Variants in CRYBG2 observed in about 807,000 individuals in gnomAD.
The protein encoded by CRYBG2 is beta/gamma crystallin domain-containing protein 2.
Under a neutral mutation model 153.4 loss-of-function variants are expected in CRYBG2, and 106 were observed. The ratio of observed to expected loss-of-function variants is 0.69; its 90% CI spans 0.59 to 0.81. CRYBG2 has a LOEUF of 0.81. Among genes scored for constraint, CRYBG2 ranks in the 30% least tolerant of loss-of-function variants. The probability of loss-of-function intolerance (pLI) is 0.00; values close to 1 mark genes in which losing one functional copy is unlikely to be tolerated. For missense variants in CRYBG2, 1,996 were observed against 2,112.0 expected, an observed-to-expected ratio of 0.95 and a Z score of 1.08; for synonymous variants, 851 against 877.8, an observed-to-expected ratio of 0.97 and a Z score of 0.54.
rs561642502 is a variant in CRYBG2 at position 26,343,569 on chromosome 1, G to A, written c.2913+176C>T. Reference sequence around the variant, plus strand: ...GTACAAACCTCCCACAGTAGGGATAGGGATAGGGAGATTGAGGCCCAGAGA... The same window carrying A: ...GTACAAACCTCCCACAGTAGGGATAAGGATAGGGAGATTGAGGCCCAGAGA... On this transcript the variant is annotated intron_variant, in intron 2 of 19. Coordinates refer to ENST00000308182, the MANE Select transcript of CRYBG2 (RefSeq NM_001039775.4). This position sits in a 1 kb window ranked among gnomAD's most constrained non-coding sequence, Gnocchi z 4.1. 2.4e-4 allele frequency among the ~76,000 whole-genome samples: 36 copies of A among 152,288 alleles called. No individual in the cohort carries two copies. Among genetic ancestry groups the A allele is most frequent in the African/African-American group, 8.2e-4 (34 of 41,560 alleles).
chr1:26,342,634 G>T, intron 5 of CRYBG2, 120 bp downstream of exon 5: 1 of 1,451,680 alleles, frequency 6.9e-7, no homozygotes, highest in Non-Finnish European at 9.3e-7. Context: ...CCTGTCCTCA[G>T]CCGATCCACC....
chr1:26,336,303 G>A lies in CRYBG2; in HGVS notation c.4071+35C>T. 3 of 1,612,400 alleles carry A rather than the reference G, an allele frequency of 1.9e-6. No individual in the cohort carries two copies. Among genetic ancestry groups the A allele is most frequent in the South Asian group, 1.1e-5 (1 of 90,698 alleles). ...AGGTCCGAAATGAGGGGAGAGACGTGAGCCCAGCGGCTCCCTGCGGAGTCC... is the reference window on the plus strand; with the variant it reads ...AGGTCCGAAATGAGGGGAGAGACGTAAGCCCAGCGGCTCCCTGCGGAGTCC... On this transcript the variant is annotated intron_variant, in intron 13 of 19. Transcript: ENST00000308182. This position sits in a 1 kb window ranked among gnomAD's most constrained non-coding sequence, Gnocchi z 4.9.
At chr1:26,324,110 C>T (rs746239692) in intron 18 of CRYBG2, 42 bp downstream of exon 18, 15 of 1,592,170 alleles carry the variant, frequency 9.4e-6, no homozygotes, top group African/African-American at 1.3e-5. Flanking sequence ...CCTGCAAATG[C>T]CTAGGGCCAG....
rs2074082045 is a variant in CRYBG2 at position 26,337,921 on chromosome 1, CCT to C, written c.3507+89_3507+90del. The C allele has an allele frequency of 2.6e-6, 4 of 1,510,196 alleles. No homozygotes were observed. In the South Asian group the frequency reaches 4.9e-5, roughly 18 times the overall value. The allele number at this position is 1,510,196 out of a possible 1,614,324, so 93.5% of individuals were successfully genotyped here. On this transcript the variant is annotated intron_variant, in intron 8 of 19. Transcript: ENST00000308182. Reference sequence around the variant, plus strand: ...CCGTGCTTCTGGCCCCCAGTGCCCTCCTCTCTGGATTTCCTGTCCAGACCACG... The same window carrying C: ...CCGTGCTTCTGGCCCCCAGTGCCCTCCTCTGGATTTCCTGTCCAGACCACG...
Position 26,337,030 on chromosome 1 carries a change from C to G in CRYBG2, c.3772-50G>C, listed in dbSNP as rs561917384. 3.7e-6 allele frequency: 6 copies of G among 1,605,574 alleles called. No individual in the cohort carries two copies. In the South Asian group the frequency reaches 5.6e-5, roughly 15 times the overall value. On this transcript the variant is annotated intron_variant, in intron 10 of 19. Coordinates refer to ENST00000308182, the MANE Select transcript of CRYBG2 (RefSeq NM_001039775.4). ...CTCTCCCGCCCACAAACCGAAACCC[C>G]TGGGAGTGCCCAGACCCCAGGGTCA...
chr1:26,328,175 C>A (rs2073954446), intron 17 of CRYBG2, 34 bp downstream of exon 17: 13 of 1,553,386 alleles, frequency 8.4e-6, no homozygotes, highest in Non-Finnish European at 1.1e-5. Context: ...CACGCTCAGC[C>A]CCAGACACGC....
At chr1:26,338,843 T>C (rs1305850690) in intron 6 of CRYBG2, among the ~76,000 whole-genome samples, 2 of 152,194 alleles carry the variant, frequency 1.3e-5, no homozygotes, top group Non-Finnish European at 1.5e-5. Context: ...CACTGAAAAT[T>C]TGAAGCTTAG....
At chr1:26,323,084 C>A (rs2073878850) in intron 18 of CRYBG2, among the ~76,000 whole-genome samples, 1 of 79,538 alleles carries the variant, frequency 1.3e-5, no homozygotes, top group African/African-American at 3.7e-5. Context: ...TTTCTATTCT[C>A]CTTTTTTTTT....
chr1:26,337,051 G>A lies in CRYBG2; in HGVS notation c.3772-71C>T. On this transcript the variant is annotated intron_variant, in intron 10 of 19. Transcript: ENST00000308182. The stretch of plus-strand genomic sequence containing the variant: ...ACCCCTGGGAGTGCCCAGACCCCAG[G>A]GTCACAGCCCACCCGGGGAATTAGG... The A allele has an allele frequency of 2.5e-6, 4 of 1,588,740 alleles. No individual in the cohort carries two copies. The South Asian group carries it at 3.4e-5, about 14-fold the overall frequency.
At position 26,345,719 on chromosome 1, in the gene CRYBG2, C is replaced by T. The variant is rs768401443; in HGVS notation, c.939G>A (p.Pro313=). Reference sequence around the variant, plus strand: ...CCGGGGCTCTGCCCTGGTCTCTGTCCGGACAGGCTGCAGGGGCATCCTGAT... The same window carrying T: ...CCGGGGCTCTGCCCTGGTCTCTGTCTGGACAGGCTGCAGGGGCATCCTGAT... ...PKNQDAPAAC[P]DRDQGRAPDA... Residue 313 remains proline (P), a synonymous_variant, in exon 2 of 20, where the codon CCG becomes CCA. Transcript: ENST00000308182. 6.9e-6 allele frequency: 11 copies of T among 1,597,308 alleles called. No homozygotes were observed. The highest frequency in any genetic ancestry group is 4.0e-5 in the African/African-American group (3 of 74,894).
At chr1:26,335,713 TG>T (rs1319990010) in intron 14 of CRYBG2, among the ~76,000 whole-genome samples, 5 of 152,160 alleles carry the variant, frequency 3.3e-5, no homozygotes, top group Non-Finnish European at 7.3e-5. Flanking sequence ...GAACACGGAC[TG>T]GGTATTGGGT....
rs762530948 is a variant in CRYBG2 at position 26,336,683 on chromosome 1, C to G, written c.3961G>C (p.Glu1321Gln). The change falls in exon 12 of 20, where the codon GAG becomes CAG. Residue 1321 changes from glutamate (E) to glutamine (Q), a missense_variant. Transcript: ENST00000308182. The surrounding 1 kb of genome is among the most constrained non-coding windows in gnomAD (Gnocchi z 4.9). ...VGFSGEQYVL[E>Q]KGVYRNCEDW... is the part of the protein sequence containing the mutation. Reference sequence around the variant, plus strand: ...TCGCAGTTACGATACACGCCCTTCTCCAGCACGTACTGTTCCCCGGAGAAG... The same window carrying G: ...TCGCAGTTACGATACACGCCCTTCTGCAGCACGTACTGTTCCCCGGAGAAG... 6.4e-7 allele frequency: 1 copy of G among 1,564,642 alleles called. No homozygotes were observed. Among genetic ancestry groups the G allele is most frequent in the African/African-American group, 1.4e-5 (1 of 73,752 alleles).
chr1:26,350,696 G>A (rs1272819728), intron 1 of CRYBG2, among the ~76,000 whole-genome samples: 1 of 152,072 alleles, frequency 6.6e-6, no homozygotes, highest in African/African-American at 2.4e-5. Context: ...CAGTCCTGGA[G>A]GGCGTCTCCA....
At chr1:26,338,276 G>C in intron 7 of CRYBG2, 75 bp downstream of exon 7, 1 of 1,526,430 alleles carries the variant, frequency 6.6e-7, no homozygotes, top group Non-Finnish European at 8.8e-7. Flanking sequence ...CCTTCCCACA[G>C]ACTGCAGGAC....
chr1:26,343,990 G>T lies in CRYBG2; in HGVS notation c.2668C>A (p.Leu890Met), dbSNP rs1186833862. ...CTGCCTCCCTGCAGTTCCAATCCCA[G>T]CTCTGAGTGGGGGCCCTTGGTTCCT... is the stretch of plus-strand genomic sequence containing the variant. ...VAGTKGPHSELGLELQGGSRP... is the reference protein window; with the variant it reads ...VAGTKGPHSEMGLELQGGSRP... Residue 890 changes from leucine (L) to methionine (M), a missense_variant, in exon 2 of 20, where the codon CTG becomes ATG. Physicochemically the swap from Leu to Met is conservative, Grantham distance 15. Coordinates refer to ENST00000308182, the MANE Select transcript of CRYBG2 (RefSeq NM_001039775.4). The surrounding 1 kb of genome is among the most constrained non-coding windows in gnomAD (Gnocchi z 4.1). 1 of 1,536,606 alleles carries T rather than the reference G, an allele frequency of 6.5e-7. No individual in the cohort carries two copies. Among genetic ancestry groups the T allele is most frequent in the East Asian group, 2.4e-5 (1 of 40,904 alleles).
In CRYBG2 at chr1:26,345,765, G is replaced by T. The variant is rs751707802; in HGVS notation, c.893C>A (p.Ala298Asp). The change falls in exon 2 of 20, where the codon GCC becomes GAC. Residue 298 changes from alanine to aspartate, a missense_variant. By Grantham distance (126) the Ala-to-Asp change is moderately radical. Transcript: ENST00000308182. ...SSALASTGIPASAHLPKNQDA... is the reference protein window; with the variant it reads ...SSALASTGIPDSAHLPKNQDA... ...CTGATTCTTAGGCAGGTGAGCACTG[G>T]CTGGGATGCCTGTAGAGGCCAGGGC... is the stretch of plus-strand genomic sequence containing the variant. 1 of 1,597,330 alleles carries T rather than the reference G, an allele frequency of 6.3e-7. No individual in the cohort carries two copies. The highest frequency in any genetic ancestry group is 1.1e-5 in the South Asian group (1 of 90,846).
In CRYBG2 at chr1:26,344,180, T is replaced by C; in HGVS notation, c.2478A>G (p.Lys826=). The C allele has an allele frequency of 6.5e-7, 1 of 1,533,382 alleles. No homozygotes were observed. The highest frequency in any genetic ancestry group is 8.7e-7 in the Non-Finnish European group (1 of 1,144,634). 95.0% of individuals were successfully genotyped at this position (1,533,382 alleles called of 1,614,324 possible). A position where few individuals can be genotyped will look rare whatever the true frequency, so the allele number is the denominator to read the frequency against. Residue 826 remains lysine (K), a synonymous_variant, in exon 2 of 20, where the codon AAA becomes AAG. Transcript: ENST00000308182. ...CTGGTTCCTCCTCCTCCTCCTCCTCTTTCTCTTCCAGTGAAGGCACCTCCT... is the reference window on the plus strand; with the variant it reads ...CTGGTTCCTCCTCCTCCTCCTCCTCCTTCTCTTCCAGTGAAGGCACCTCCT... ...GPQEVPSLEE[K]EEEEEEEPEN...
Position 26,344,446 on chromosome 1 carries a change from G to A in CRYBG2, c.2212C>T (p.Leu738Phe). ...TTGCCCTCGGTGGGATCAGAGACAA[G>A]CTGGGACTCCGTGCTGGCCTCTGCT... ...TGAEASTESQ[L>F]VSDPTEGKTC... is the part of the protein sequence containing the mutation. The change falls in exon 2 of 20, where the codon CTT (leucine) becomes TTT (phenylalanine). Residue 738 changes from leucine to phenylalanine, a missense_variant. Leu to Phe is a conservative substitution (Grantham distance 22). Coordinates refer to ENST00000308182, the MANE Select transcript of CRYBG2 (RefSeq NM_001039775.4). 6.5e-7 allele frequency: 1 copy of A among 1,527,018 alleles called. No homozygotes were observed. The allele number at this position is 1,527,018 out of a possible 1,614,324, so 94.6% of individuals were successfully genotyped here. A position where few individuals can be genotyped will look rare whatever the true frequency, so the allele number is the denominator to read the frequency against.
In CRYBG2 at chr1:26,336,627, G is replaced by T; in HGVS notation, c.4017C>A (p.Ala1339=). The T allele has an allele frequency of 6.5e-7, 1 of 1,550,272 alleles. No individual in the cohort carries two copies. Among genetic ancestry groups the T allele is most frequent in the Non-Finnish European group, 8.7e-7 (1 of 1,146,760 alleles). ...EDWGAGNSTL[A]SLQPVLQVGE... ...GCACCTGTAGGACCGGCTGCAGCGA[G>T]GCGAGGGTGCTGTTGCCAGCGCCCC... Residue 1339 remains alanine, a synonymous_variant, in exon 12 of 20, where the codon GCC becomes GCA. Coordinates refer to ENST00000308182, the MANE Select transcript of CRYBG2 (RefSeq NM_001039775.4). The surrounding 1 kb of genome is among the most constrained non-coding windows in gnomAD (Gnocchi z 4.9).
Sources: gnomAD v4.1 joint callset for allele counts (sites outside exome capture counted in the v4.1 genomes callset) on GRCh38, gnomAD v4.1.1 for gene constraint, Gnocchi (gnomAD v3.1) non-coding constraint, MANE v1.5 for transcripts, NCBI Gene and HGNC (gene_info 2026-07-23, HGNC 2026-07-21) for gene names.